DOP1B: variants seen among roughly 807,000 people sequenced by gnomAD.
DOP1B encodes protein DOP1B.
DOP1B carries 174 observed loss-of-function variants against 233.5 expected under a neutral mutation model. The observed-to-expected ratio is 0.75, with a 90% confidence interval of 0.66 to 0.85. The LOEUF is 0.85. DOP1B is among the 40% of genes least tolerant of loss of function. The pLI, the probability that DOP1B is intolerant of heterozygous loss-of-function variation, is 0.00. For synonymous variants in DOP1B, 1,190 were observed against 1,185.6 expected (o/e 1.00, Z -0.08); for missense variants, 2,652 against 2,846.6 (o/e 0.93, Z 1.56).
At chr21:36,269,675 A>G (rs1371942318) in intron 26 of DOP1B, among the ~76,000 whole-genome samples, 2 of 151,504 alleles carry the variant, frequency 1.3e-5, no homozygotes, top group African/African-American at 2.4e-5. Flanking sequence ...ATGTGCCATC[A>G]TGCCCAGCTA....
intron 9 of DOP1B, among the ~76,000 whole-genome samples, chr21:36,215,615 A>T (rs2123504534): frequency 6.6e-6 from 1 of 151,602 alleles, no homozygotes; most frequent in African/African-American, 2.4e-5. Flanking sequence ...ATCTTGGCTA[A>T]GCTGGTCTCA....
At chr21:36,217,859 A>G (rs1299015118) in intron 9 of DOP1B, among the ~76,000 whole-genome samples, 1 of 152,262 alleles carries the variant, frequency 6.6e-6, no homozygotes, top group African/African-American at 2.4e-5. Context: ...TATTAAAAGA[A>G]GAAAATATAA....
chr21:36,158,734 C>A (rs1376512491), intron 1 of DOP1B, among the ~76,000 whole-genome samples: 1 of 147,494 alleles, frequency 6.8e-6, no homozygotes, highest in Non-Finnish European at 1.5e-5. Context: ...ATCTAGGAGG[C>A]GCAGGTTGCA....
intron 2 of DOP1B, among the ~76,000 whole-genome samples, chr21:36,183,061 C>G (rs2066119494): frequency 6.6e-6 from 1 of 152,140 alleles, no homozygotes; most frequent in African/African-American, 2.4e-5. Context: ...CACTATGTTG[C>G]CCAGGCCAGA....
In DOP1B at chr21:36,277,085, C is replaced by T. The variant is rs759088408; in HGVS notation, c.5697C>T (p.Leu1899=). Residue 1899 remains leucine (L), a synonymous_variant, in exon 28 of 37, where the codon CTC becomes CTT. Transcript: ENST00000691173. The part of the protein sequence containing the change: ...SAPSVYSVQA[L]SLLAEVLASL... ...CGTCGGTGTACAGCGTGCAAGCCCT[C>T]TCTCTCCTGGCAGAGGTAAATACAC... is the stretch of plus-strand genomic sequence containing the variant. 1.2e-6 allele frequency: 2 copies of T among 1,614,086 alleles called. No individual in the cohort carries two copies. The highest frequency in any genetic ancestry group is 1.7e-6 in the Non-Finnish European group (2 of 1,179,996).
chr21:36,293,280 G>GT, intron 36 of DOP1B, 40 bp from the exon 37 acceptor site: 1 of 1,600,188 alleles, frequency 6.2e-7, no homozygotes, highest in Non-Finnish European at 8.5e-7. Context: ...CGAGCCCTCA[G>GT]TAAAACCATA....
At chr21:36,206,854 CTA>C (rs1432383035) in intron 4 of DOP1B, among the ~76,000 whole-genome samples, 1 of 152,192 alleles carries the variant, frequency 6.6e-6, no homozygotes, top group East Asian at 1.9e-4. Context: ...CCTACTTCTT[CTA>C]TACACTTAGC....
Position 36,223,032 on chromosome 21 carries a change from CTG to C in DOP1B, c.1251-197_1251-196del, listed in dbSNP as rs1424711484. On this transcript the variant is annotated intron_variant, in intron 10 of 36. Coordinates refer to ENST00000691173, the MANE Select transcript of DOP1B (RefSeq NM_001320714.2). ...AGCTCTGAAATTTATTTTTAAGAGACTGTATCAATATAAATATTGTTTACGAT... is the reference window on the plus strand; with the variant it reads ...AGCTCTGAAATTTATTTTTAAGAGACTATCAATATAAATATTGTTTACGAT... 2.0e-5 allele frequency among the ~76,000 whole-genome samples: 3 copies of C among 152,270 alleles called. No individual in the cohort carries two copies. In the East Asian group the frequency reaches 5.8e-4, roughly 29 times the overall value.
chr21:36,222,769 T>A (rs553142325), intron 10 of DOP1B, among the ~76,000 whole-genome samples: 2 of 152,108 alleles, frequency 1.3e-5, no homozygotes, highest in African/African-American at 4.8e-5. Flanking sequence ...AGAGTCTCAC[T>A]CTGTCATCCA....
At chr21:36,240,000 G>A (rs1480488724) in intron 18 of DOP1B, 45 bp downstream of exon 18, 1 of 1,561,700 alleles carries the variant, frequency 6.4e-7, no homozygotes, top group East Asian at 2.3e-5. Flanking sequence ...GGAATGGGTG[G>A]GGGGACTGGA....
intron 4 of DOP1B, among the ~76,000 whole-genome samples, chr21:36,200,783 C>A (rs2066354941): frequency 6.6e-6 from 1 of 151,118 alleles, no homozygotes; most frequent in Non-Finnish European, 1.5e-5. Context: ...GCGGAGCTTG[C>A]AGTGAGCCGA....
chr21:36,227,140 A>G lies in DOP1B; in HGVS notation c.1474-546A>G, dbSNP rs193046004. On this transcript the variant is annotated intron_variant, in intron 12 of 36. Transcript: ENST00000691173. ...GGAGAATGGTGTGAACCTGGGAGGC[A>G]GAGCTTGCAGTGAGCCGAGATCACA... Among the ~76,000 whole-genome samples, 1,458 of 145,758 alleles carry G rather than the reference A, an allele frequency of 0.01. 47 individuals are homozygous for G. In the East Asian group the frequency reaches 0.11, roughly 11 times the overall value.
intron 2 of DOP1B, among the ~76,000 whole-genome samples, chr21:36,171,560 G>A (rs1343483847): frequency 6.6e-6 from 1 of 152,142 alleles, no homozygotes; most frequent in Non-Finnish European, 1.5e-5. Flanking sequence ...ATGCATGAGG[G>A]AAGGCACCAT....
At chr21:36,265,209 A>T (rs1422173129) in intron 26 of DOP1B, among the ~76,000 whole-genome samples, 1 of 152,178 alleles carries the variant, frequency 6.6e-6, no homozygotes. Context: ...CAGCCTGGCC[A>T]ACATGGTGAA....
intron 23 of DOP1B, among the ~76,000 whole-genome samples, 192 bp from the exon 24 acceptor site, chr21:36,260,485 T>G (rs1174414713): frequency 6.6e-6 from 1 of 152,140 alleles, no homozygotes. Flanking sequence ...TGTGAATGAT[T>G]TGGGGACTCA....
chr21:36,270,263 T>G, intron 27 of DOP1B, 106 bp downstream of exon 27: 1 of 1,352,282 alleles, frequency 7.4e-7, no homozygotes, highest in Non-Finnish European at 1.0e-6. Context: ...AAGAAAGTAC[T>G]TAAGGTAGGC....
intron 27 of DOP1B, among the ~76,000 whole-genome samples, chr21:36,275,130 C>T (rs556937095): frequency 1.3e-5 from 2 of 152,024 alleles, no homozygotes; most frequent in African/African-American, 4.8e-5. Flanking sequence ...CAGGCCTGAA[C>T]CACTGCACCC....
chr21:36,183,093 G>A (rs1448008591), intron 2 of DOP1B, among the ~76,000 whole-genome samples: 2 of 152,144 alleles, frequency 1.3e-5, no homozygotes, highest in Non-Finnish European at 1.5e-5. Flanking sequence ...GTTTACAGAT[G>A]CAGTCATAGC....
chr21:36,177,371 G>C (rs16993942), intron 2 of DOP1B, among the ~76,000 whole-genome samples: 3,935 of 152,300 alleles, frequency 0.026, 175 homozygotes, highest in African/African-American at 0.091. Context: ...TATGCTTTTC[G>C]ATAATTTGTA....
Sources: allele counts gnomAD v4.1 joint callset (sites outside exome capture counted in the v4.1 genomes callset), GRCh38; gene constraint gnomAD v4.1.1; transcripts MANE v1.5; gene names NCBI Gene and HGNC (gene_info 2026-07-23, HGNC 2026-07-21).